The following ANKRD42 variants were observed in gnomAD, a reference collection of about 807,000 sequenced individuals.
ANKRD42 encodes the protein ankyrin repeat domain-containing protein 42.
ANKRD42 carries 43 observed loss-of-function variants against 51.5 expected under a neutral mutation model. That is an observed-to-expected ratio of 0.83 (90% CI 0.65 to 1.08). The LOEUF is 1.08. ANKRD42 is among the 50% of genes least tolerant of loss of function. The probability of loss-of-function intolerance (pLI) is 0.00; values close to 1 mark genes in which losing one functional copy is unlikely to be tolerated. For missense variants in ANKRD42, 608 were observed against 629.3 expected (o/e 0.97, Z 0.36); for synonymous variants, 203 against 213.0 (o/e 0.95, Z 0.41).
intron 5 of ANKRD42, among the ~76,000 whole-genome samples, chr11:83,222,285 T>G (rs1862739903): frequency 6.6e-6 from 1 of 152,208 alleles, no homozygotes; most frequent in Admixed American, 6.5e-5. Flanking sequence ...CTCAAAAATT[T>G]TTATTAATTT....
chr11:83,240,855 T>C lies in ANKRD42; in HGVS notation c.1116T>C (p.Phe372=), dbSNP rs1241248984. ...TTGATGAAAATGATGTGAAATATTT[T>C]ATAAGACATGGTGTTGAGGGAAGCA... ...NEIDENDVKY[F]IRHGVEGSTD... Residue 372 remains phenylalanine (F), a synonymous_variant, in exon 9 of 11, where the codon TTT becomes TTC. Coordinates refer to ENST00000533342, the MANE Select transcript of ANKRD42 (RefSeq NM_001300975.2). The C allele has an allele frequency of 6.2e-7, 1 of 1,614,134 alleles. No homozygotes were observed. The highest frequency in any genetic ancestry group is 8.5e-7 in the Non-Finnish European group (1 of 1,179,994).
chr11:83,214,785 A>G (rs941371693), intron 5 of ANKRD42: 2 of 155,082 alleles, frequency 1.3e-5, no homozygotes, highest in Non-Finnish European at 2.8e-5. Flanking sequence ...ATGGTTAACT[A>G]TAATCACCCT....
intron 10 of ANKRD42, among the ~76,000 whole-genome samples, chr11:83,247,447 G>A (rs546684395): frequency 1.3e-5 from 2 of 151,968 alleles, no homozygotes; most frequent in East Asian, 3.9e-4. Flanking sequence ...TCTACTTTAG[G>A]GCCTTTGCAC....
chr11:83,217,185 A>AG (rs200609296), intron 5 of ANKRD42, among the ~76,000 whole-genome samples: 1,563 of 152,344 alleles, frequency 0.01, 12 homozygotes, highest in Non-Finnish European at 0.017. Flanking sequence ...GGGCCTAGAA[A>AG]GGGGAGGAGC....
chr11:83,243,662 T>TGTA (rs1396241728), intron 9 of ANKRD42, among the ~76,000 whole-genome samples: 1 of 152,090 alleles, frequency 6.6e-6, no homozygotes, highest in Admixed American at 6.6e-5. Context: ...TATGTATGTA[T>TGTA]TTATTTATTT....
At chr11:83,262,320 T>C (rs1265717576), downstream of ANKRD42, among the ~76,000 whole-genome samples, 3 of 152,168 alleles carry the variant, frequency 2.0e-5, no homozygotes, top group African/African-American at 7.2e-5. Flanking sequence ...AAAAATTACG[T>C]AGTTAGGCTA....
At chr11:83,252,286 T>A (rs1236844387), downstream of ANKRD42, among the ~76,000 whole-genome samples, 1 of 152,190 alleles carries the variant, frequency 6.6e-6, no homozygotes, top group Non-Finnish European at 1.5e-5. Flanking sequence ...CAACTGGAGA[T>A]TTTATACACC....
intron 5 of ANKRD42, among the ~76,000 whole-genome samples, chr11:83,220,836 G>A (rs1474534032): frequency 6.6e-6 from 1 of 152,078 alleles, no homozygotes; most frequent in Admixed American, 6.6e-5. Context: ...ACCTTTGAGA[G>A]TTTGATTATT....
chr11:83,212,088 T>G (rs1862344551), intron 5 of ANKRD42, among the ~76,000 whole-genome samples: 1 of 152,112 alleles, frequency 6.6e-6, no homozygotes, highest in Non-Finnish European at 1.5e-5. Context: ...TTTTAAATTT[T>G]TTATTTTTTT....
chr11:83,236,144 C>A (rs917105199), intron 7 of ANKRD42, among the ~76,000 whole-genome samples: 2 of 152,136 alleles, frequency 1.3e-5, no homozygotes, highest in Admixed American at 6.5e-5. Context: ...ACATAAATAA[C>A]CTTTTTGAGT....
intron 5 of ANKRD42, chr11:83,213,645 A>G: frequency 1.2e-6 from 1 of 854,028 alleles, no homozygotes; most frequent in Non-Finnish European, 1.5e-6. Flanking sequence ...GTTGAACATC[A>G]TTTCGTACGT....
At chr11:83,257,079 G>C (rs1034964696), downstream of ANKRD42, among the ~76,000 whole-genome samples, 1 of 151,910 alleles carries the variant, frequency 6.6e-6, no homozygotes, top group African/African-American at 2.4e-5. Flanking sequence ...GAATATAAGG[G>C]TTATTAAAAG....
At chr11:83,261,071 T>G (rs1023792863), downstream of ANKRD42, 13 of 152,304 alleles carry the variant, frequency 8.5e-5, no homozygotes, top group African/African-American at 3.1e-4. Flanking sequence ...TATTAAGTGT[T>G]GTAATTTGCA....
In ANKRD42 at chr11:83,226,382, A is replaced by G. The variant is rs532962046; in HGVS notation, c.787+1327A>G. ...GATAGTAAGCACTTGTAAGGATTGC[A>G]TTGTTTTGTCTTTTTTAAAAATAAG... On this transcript the variant is annotated intron_variant, in intron 6 of 10. Transcript: ENST00000533342. 2.0e-4 allele frequency among the ~76,000 whole-genome samples: 31 copies of G among 152,304 alleles called. No homozygotes were observed. The South Asian group carries it at 4.8e-3, about 23-fold the overall frequency.
chr11:83,234,383 A>G (rs1863166101), intron 7 of ANKRD42, among the ~76,000 whole-genome samples: 2 of 152,184 alleles, frequency 1.3e-5, no homozygotes, highest in South Asian at 4.1e-4. Flanking sequence ...ATAATTGTTT[A>G]GAACTATGAC....
At chr11:83,194,832 C>A in intron 1 of ANKRD42, 104 bp downstream of exon 1, 2 of 1,176,456 alleles carry the variant, frequency 1.7e-6, no homozygotes, top group Non-Finnish European at 2.4e-6. Context: ...TCAGCCGTCA[C>A]TCCCCCCTTT....
At position 83,248,676 on chromosome 11, in the gene ANKRD42, C is replaced by T. The variant is rs1863614502; in HGVS notation, c.*472C>T. ...CTTCCTGGCTTCTTTTTATTTTGCA[C>T]AAACTAGTCATTGGTCTCTTTAATA... is the stretch of plus-strand genomic sequence containing the variant. On this transcript the variant is annotated 3_prime_UTR_variant, in exon 11 of 11. Transcript: ENST00000533342. The T allele has an allele frequency of 1.0e-6, 1 of 980,810 alleles. No individual in the cohort carries two copies. The highest frequency in any genetic ancestry group is 1.2e-6 in the Non-Finnish European group (1 of 825,970). 60.8% of individuals were successfully genotyped at this position (980,810 alleles called of 1,614,324 possible).
chr11:83,230,631 G>A (rs1392082900), intron 7 of ANKRD42, among the ~76,000 whole-genome samples: 2 of 151,838 alleles, frequency 1.3e-5, no homozygotes, highest in African/African-American at 4.8e-5. Flanking sequence ...CGGTCGCCCA[G>A]GCTGGAGTGC....
chr11:83,263,804 C>T (rs560565707), downstream of ANKRD42, among the ~76,000 whole-genome samples: 4 of 152,256 alleles, frequency 2.6e-5, no homozygotes, highest in Admixed American at 2.6e-4. Context: ...CACACAGTCA[C>T]AGATTTAAAG....
Sources: gnomAD v4.1 joint callset for allele counts (sites outside exome capture counted in the v4.1 genomes callset) on GRCh38, gnomAD v4.1.1 for gene constraint, MANE v1.5 for transcripts, NCBI Gene and HGNC (gene_info 2026-07-23, HGNC 2026-07-21) for gene names.